The following IAH1 variants were observed in gnomAD, a reference collection of about 807,000 sequenced individuals.
IAH1 encodes the protein isoamyl acetate hydrolyzing esterase 1 (putative).
In IAH1, 24 loss-of-function variants were observed where a neutral mutation model predicts 26.7. The observed-to-expected ratio is 0.90, with a 90% CI of 0.65 to 1.26. IAH1 has a LOEUF of 1.26. Among genes scored for constraint, IAH1 ranks in the 50% most tolerant of loss-of-function variants. The pLI is 0.00. For missense variants in IAH1, 300 were observed against 299.9 expected (o/e 1.00, Z 0.00); for synonymous variants, 140 against 118.5 (o/e 1.18, Z -1.18).
downstream of IAH1, chr2:9,494,518 G>T: frequency 1.7e-6 from 2 of 1,182,876 alleles, no homozygotes; most frequent in Non-Finnish European, 2.4e-6. Flanking sequence ...GATAACAATG[G>T]GCCAGAAGGA....
chr2:9,491,910 C>A (rs533410211), downstream of IAH1, among the ~76,000 whole-genome samples: 2 of 152,338 alleles, frequency 1.3e-5, no homozygotes, highest in East Asian at 3.9e-4. Context: ...AGGTTCCATC[C>A]TCCAATAGAA....
chr2:9,508,938 G>T, the IAH1 span, among the ~76,000 whole-genome samples: 1 of 151,974 alleles, frequency 6.6e-6, no homozygotes, highest in Non-Finnish European at 1.5e-5. Flanking sequence ...CAGAGGAACT[G>T]TTTACACATA....
upstream of IAH1, chr2:9,474,516 G>A (rs903360163): frequency 8.1e-7 from 1 of 1,228,328 alleles, no homozygotes; most frequent in South Asian, 1.7e-5. This position sits in a 1 kb window ranked among gnomAD's most constrained non-coding sequence, Gnocchi z 4.3. Context: ...CGGCCACTGC[G>A]CAGGCGCCTC....
the IAH1 span, among the ~76,000 whole-genome samples, chr2:9,504,763 GAAAAAAA>G: frequency 8.5e-5 from 10 of 117,798 alleles, 1 homozygote; most frequent in South Asian, 2.8e-3. Context: ...TCTGTCTCAG[GAAAAAAA>G]AAAAAAAAAA....
chr2:9,483,611 C>A (rs553765470), intron 4 of IAH1, among the ~76,000 whole-genome samples: 1 of 152,136 alleles, frequency 6.6e-6, no homozygotes, highest in East Asian at 1.9e-4. Flanking sequence ...TTCTGTAGTC[C>A]GCCTCTCGCC....
At chr2:9,487,839 C>T (rs71437664) in intron 5 of IAH1, among the ~76,000 whole-genome samples, 12,298 of 93,036 alleles carry the variant, frequency 0.13, 560 homozygotes, top group Middle Eastern at 0.24. Flanking sequence ...TGTGTGCGCG[C>T]GCGCGCGCGC....
intron 5 of IAH1, chr2:9,486,505 A>G (rs1178166517): frequency 6.6e-6 from 1 of 152,182 alleles, no homozygotes; most frequent in Non-Finnish European, 1.5e-5. Flanking sequence ...CTACTATTAT[A>G]TGATAGCATC....
At chr2:9,492,320 G>T (rs1296915523), downstream of IAH1, among the ~76,000 whole-genome samples, 1 of 152,184 alleles carries the variant, frequency 6.6e-6, no homozygotes, top group Non-Finnish European at 1.5e-5. Context: ...ATTTATAAAG[G>T]ACCAGGAGTT....
chr2:9,504,606 A>G, the IAH1 span, among the ~76,000 whole-genome samples: 3 of 151,524 alleles, frequency 2.0e-5, no homozygotes, highest in African/African-American at 7.3e-5. Flanking sequence ...CTCTACTAAT[A>G]CAAAAAATTA....
At chr2:9,501,302 G>A (rs181806818), downstream of IAH1, among the ~76,000 whole-genome samples, 1 of 152,068 alleles carries the variant, frequency 6.6e-6, no homozygotes, top group Non-Finnish European at 1.5e-5. Context: ...ATGCTAATAG[G>A]ACAGCAGGGT....
intron 5 of IAH1, chr2:9,484,791 G>C (rs1661381959): frequency 4.6e-6 from 2 of 434,722 alleles, no homozygotes; most frequent in Admixed American, 3.9e-5. Context: ...ACATCAATGA[G>C]CAACACATGG....
chr2:9,474,896 G>A lies in IAH1; in HGVS notation c.81+249G>A, dbSNP rs1355924454. On this transcript the variant is annotated intron_variant, in intron 1 of 5. Coordinates refer to ENST00000497473, the MANE Select transcript of IAH1 (RefSeq NM_001039613.3). This position sits in a 1 kb window ranked among gnomAD's most constrained non-coding sequence, Gnocchi z 4.3. ...CCAGGCACAGACGCGAGGGGACCCGGCCGCGCTGCCCGCCCCGCGCCGCCT... is the reference window on the plus strand; with the variant it reads ...CCAGGCACAGACGCGAGGGGACCCGACCGCGCTGCCCGCCCCGCGCCGCCT... 5 of 601,472 alleles carry A rather than the reference G, an allele frequency of 8.3e-6. No homozygotes were observed. Among genetic ancestry groups the A allele is most frequent in the Non-Finnish European group, 1.2e-5 (5 of 433,124 alleles). The allele number at this position is 601,472 out of a possible 1,614,324, so 37.3% of individuals were successfully genotyped here.
chr2:9,487,756 T>C (rs923653640), intron 5 of IAH1, among the ~76,000 whole-genome samples: 3 of 151,642 alleles, frequency 2.0e-5, no homozygotes, highest in Admixed American at 2.0e-4. Flanking sequence ...CACTGGCATT[T>C]AGAAAAGTTA....
the IAH1 span, chr2:9,505,098 C>T: frequency 1.3e-6 from 2 of 1,524,728 alleles, no homozygotes; most frequent in African/African-American, 1.4e-5. Flanking sequence ...CCTGCAAGTT[C>T]AGTCTTCTCT....
chr2:9,489,906 G>GT (rs1661972763), downstream of IAH1: 2 of 371,328 alleles, frequency 5.4e-6, no homozygotes, highest in Non-Finnish European at 9.7e-6. Flanking sequence ...CAATCCAGCT[G>GT]TATTTTCTGC....
the IAH1 span, chr2:9,506,764 A>G: frequency 1.3e-5 from 2 of 152,214 alleles, no homozygotes; most frequent in South Asian, 2.1e-4. Flanking sequence ...AACATCATGT[A>G]TCTCTGGGTT....
intron 2 of IAH1, 48 bp from the exon 3 acceptor site, chr2:9,478,174 T>C: frequency 6.5e-7 from 1 of 1,548,606 alleles, no homozygotes; most frequent in Non-Finnish European, 8.8e-7. Flanking sequence ...ACTGCGACCA[T>C]AAACACTTCT....
intron 5 of IAH1, among the ~76,000 whole-genome samples, chr2:9,487,869 T>TATCA (rs1661695935): frequency 1.3e-5 from 2 of 151,274 alleles, no homozygotes; most frequent in Non-Finnish European, 2.9e-5. Flanking sequence ...GGAGACAGTC[T>TATCA]ATCACCCAGG....
At chr2:9,495,328 A>G (rs562514889) in intron 6 of IAH1, among the ~76,000 whole-genome samples, 1 of 152,398 alleles carries the variant, frequency 6.6e-6, no homozygotes, top group East Asian at 1.9e-4. Flanking sequence ...CCATGTGGGC[A>G]TACATAAGAA....
Sources: allele counts gnomAD v4.1 joint callset (sites outside exome capture counted in the v4.1 genomes callset), GRCh38; gene constraint gnomAD v4.1.1; non-coding constraint Gnocchi (gnomAD v3.1); transcripts MANE v1.5; gene names NCBI Gene and HGNC (gene_info 2026-07-23, HGNC 2026-07-21).